The following NFASC variants were observed in gnomAD, a reference collection of about 807,000 sequenced individuals.
The protein encoded by NFASC is neurofascin homolog.
Under a neutral mutation model 147.5 loss-of-function variants are expected in NFASC, and 43 were observed. The observed-to-expected ratio is 0.29, with a 90% CI of 0.23 to 0.38. The LOEUF is 0.38. Ranked by LOEUF, NFASC falls within the 10% of genes least tolerant of loss-of-function variation. NFASC has a pLI of 1.00. For synonymous variants in NFASC, 622 were observed against 665.5 expected (o/e 0.93, Z 1.01); for missense variants, 1,320 against 1,689.0 (o/e 0.78, Z 3.83).
At chr1:204,832,075 G>A (rs1174570834) in intron 1 of NFASC, among the ~76,000 whole-genome samples, 1 of 152,162 alleles carries the variant, frequency 6.6e-6, no homozygotes, top group African/African-American at 2.4e-5. Context: ...AAAGGGTAGG[G>A]GACAAGATGA....
At chr1:204,981,073 A>G (rs2095501432) in intron 20 of NFASC, among the ~76,000 whole-genome samples, 1 of 152,178 alleles carries the variant, frequency 6.6e-6, no homozygotes, top group Non-Finnish European at 1.5e-5. Flanking sequence ...AAATATTAAC[A>G]TTTCTGAGCT....
chr1:204,884,353 A>G (rs16854619), intron 1 of NFASC, among the ~76,000 whole-genome samples: 2,196 of 152,050 alleles, frequency 0.014, 47 homozygotes, highest in African/African-American at 0.05. Flanking sequence ...TGGTTCTTCA[A>G]TGGTCAGCAA....
At chr1:204,901,232 G>A (rs955795687) in intron 1 of NFASC, among the ~76,000 whole-genome samples, 15 of 152,150 alleles carry the variant, frequency 9.9e-5, no homozygotes, top group Non-Finnish European at 2.1e-4. Flanking sequence ...GTCTGGGCTG[G>A]AGATTTAAAA....
intron 21 of NFASC, chr1:204,985,793 T>G (rs1574154815): frequency 3.0e-6 from 2 of 674,820 alleles, no homozygotes; most frequent in Non-Finnish European, 5.3e-6. Flanking sequence ...ACTGATGAGG[T>G]CATTTGGGAC....
intron 1 of NFASC, among the ~76,000 whole-genome samples, chr1:204,844,362 C>G (rs2102557023): frequency 6.6e-6 from 1 of 152,328 alleles, no homozygotes; most frequent in Admixed American, 6.5e-5. Context: ...CCACTCCCTT[C>G]CTGAGGGTAG....
chr1:204,976,737 G>A lies in NFASC; in HGVS notation c.1773G>A (p.Thr591=), dbSNP rs748063109. ...CAGAGCGGGACCAGGGCAGTTACACGTGTGTCGCCAGCACCGAGCTAGACC... is the reference window on the plus strand; with the variant it reads ...CAGAGCGGGACCAGGGCAGTTACACATGTGTCGCCAGCACCGAGCTAGACC... ...GVAERDQGSY[T]CVASTELDQD... The change falls in exon 16 of 30, where the codon ACG becomes ACA. Residue 591 remains threonine, a synonymous_variant. Coordinates refer to ENST00000339876, the MANE Select transcript of NFASC (RefSeq NM_001005388.3). 3.4e-5 allele frequency: 55 copies of A among 1,613,966 alleles called. No homozygotes were observed. Among genetic ancestry groups the A allele is most frequent in the Middle Eastern group, 1.6e-4 (1 of 6,082 alleles).
rs1470776510 is a variant in NFASC at position 204,974,757 on chromosome 1, A to G, written c.1492A>G (p.Ile498Val). The change falls in exon 14 of 30, where the codon ATC becomes GTC. Residue 498 changes from isoleucine to valine, a missense_variant. Ile to Val is a conservative substitution (Grantham distance 29). Around this residue, in one of 3 missense-constraint regions of NFASC, gnomAD observed 981 missense variants for 1,289.5 expected, o/e 0.76. Coordinates refer to ENST00000339876, the MANE Select transcript of NFASC (RefSeq NM_001005388.3). The stretch of plus-strand genomic sequence containing the variant: ...GATGATCCGCAAAGAGGACCAGGGC[A>G]TCTACACCTGTGTCGCCACCAACAT... ...IKMIRKEDQG[I>V]YTCVATNILG... The G allele has an allele frequency of 2.5e-6, 4 of 1,614,126 alleles. No homozygotes were observed. The highest frequency in any genetic ancestry group is 3.3e-5 in the Admixed American group (2 of 60,010).
chr1:204,858,629 C>T (rs2076378220), intron 1 of NFASC, among the ~76,000 whole-genome samples: 1 of 152,118 alleles, frequency 6.6e-6, no homozygotes. Context: ...CCTCTGGAGT[C>T]CCCTCTCCTC....
intron 1 of NFASC, among the ~76,000 whole-genome samples, chr1:204,892,331 C>G (rs2082572360): frequency 6.6e-6 from 1 of 152,172 alleles, no homozygotes; most frequent in Non-Finnish European, 1.5e-5. Flanking sequence ...AACAAGCCAC[C>G]CCAAAACTTA....
rs185584323 is a variant in NFASC, at chr1:205,019,269, C to A, written c.*2730C>A. 1 of 152,406 alleles carries A rather than the reference C, an allele frequency of 6.6e-6. No homozygotes were observed. Among genetic ancestry groups the A allele is most frequent in the African/African-American group, 2.4e-5 (1 of 41,576 alleles). The allele number at this position is 152,406 out of a possible 1,614,324, so 9.4% of individuals were successfully genotyped here. A position where few individuals can be genotyped will look rare whatever the true frequency, so the allele number is the denominator to read the frequency against. On this transcript the variant is annotated 3_prime_UTR_variant, in exon 30 of 30. Coordinates refer to ENST00000339876, the MANE Select transcript of NFASC (RefSeq NM_001005388.3). Reference sequence around the variant, plus strand: ...AGGAAAGTGGAATTGCCCAGTACTGCCTGCCAGCTGGGTCTCCCAAGCAAC... The same window carrying A: ...AGGAAAGTGGAATTGCCCAGTACTGACTGCCAGCTGGGTCTCCCAAGCAAC...
chr1:204,923,628 A>G (rs1215846751), intron 2 of NFASC, among the ~76,000 whole-genome samples: 1 of 152,114 alleles, frequency 6.6e-6, no homozygotes, highest in African/African-American at 2.4e-5. Flanking sequence ...GGCCCAGGAC[A>G]CACAACTGTG....
chr1:204,941,127 T>C (rs2093336255), intron 2 of NFASC, among the ~76,000 whole-genome samples: 1 of 152,220 alleles, frequency 6.6e-6, no homozygotes. Flanking sequence ...CCTGGGTTCT[T>C]TTTCTACCTT....
In NFASC at chr1:204,877,031, ATATATTTATATATATATAATATATTTATT is replaced by A. The variant is rs1371725751; in HGVS notation, c.-199-43595_-199-43567del. Among the ~76,000 whole-genome samples, 26 of 92,974 alleles carry A rather than the reference ATATATTTATATATATATAATATATTTATT, an allele frequency of 2.8e-4. 1 individual carries two copies. The highest frequency in any genetic ancestry group is 1.7e-3 in the African/African-American group (26 of 15,000). 61.0% of individuals were successfully genotyped at this position (92,974 alleles called of 152,430 possible). On this transcript the variant is annotated intron_variant, in intron 1 of 29. Coordinates refer to ENST00000339876, the MANE Select transcript of NFASC (RefSeq NM_001005388.3). ...ATATATATATATATATATATATAAT[ATATATTTATATATATATAATATATTTATT>A]TATATATTTATATATATATAATATA... is the stretch of plus-strand genomic sequence containing the variant.
intron 1 of NFASC, among the ~76,000 whole-genome samples, chr1:204,869,556 C>A (rs905933401): frequency 1.3e-5 from 2 of 152,014 alleles, no homozygotes; most frequent in Non-Finnish European, 2.9e-5. Flanking sequence ...ATTAAGAGTA[C>A]AGGCCAGTTT....
At chr1:204,925,489 T>A (rs770355068) in intron 2 of NFASC, among the ~76,000 whole-genome samples, 16 of 152,198 alleles carry the variant, frequency 1.1e-4, no homozygotes, top group Non-Finnish European at 1.6e-4. Flanking sequence ...TCCCAGCTAG[T>A]GGTTTGTCAT....
At chr1:204,851,852 C>T (rs2075723700) in intron 1 of NFASC, among the ~76,000 whole-genome samples, 1 of 152,072 alleles carries the variant, frequency 6.6e-6, no homozygotes, top group South Asian at 2.1e-4. Context: ...CTAAAATTCC[C>T]TTGGGGTGAT....
At chr1:204,895,411 G>A (rs974535401) in intron 1 of NFASC, among the ~76,000 whole-genome samples, 3 of 152,160 alleles carry the variant, frequency 2.0e-5, no homozygotes, top group African/African-American at 7.2e-5. Flanking sequence ...TTTTGCTGTA[G>A]TACATCAGGG....
At chr1:204,872,074 G>T (rs553920437) in intron 1 of NFASC, among the ~76,000 whole-genome samples, 7 of 152,324 alleles carry the variant, frequency 4.6e-5, no homozygotes, top group Non-Finnish European at 7.3e-5. Context: ...AACCCAGGAA[G>T]GTTCGAGGCT....
intron 1 of NFASC, among the ~76,000 whole-genome samples, chr1:204,876,046 G>A (rs1329385457): frequency 6.6e-6 from 1 of 152,064 alleles, no homozygotes; most frequent in African/African-American, 2.4e-5. Context: ...TTTAAGATAG[G>A]CCTCCTAAAT....
Sources: allele counts gnomAD v4.1 joint callset (sites outside exome capture counted in the v4.1 genomes callset), GRCh38; gene constraint gnomAD v4.1.1; regional missense constraint gnomAD v4.1.1; transcripts MANE v1.5; gene names NCBI Gene and HGNC (gene_info 2026-07-23, HGNC 2026-07-21).